The following CDH12 variants were observed in gnomAD, a reference collection of about 807,000 sequenced individuals.
The protein encoded by CDH12 is cadherin-12.
CDH12 carries 41 observed loss-of-function variants against 74.1 expected under a neutral mutation model. The ratio of observed to expected loss-of-function variants is 0.55; its 90% CI spans 0.43 to 0.72. CDH12 has a LOEUF of 0.72. CDH12 is among the 30% of genes least tolerant of loss of function. CDH12 has a pLI of 0.00. For synonymous variants in CDH12, 399 were observed against 355.0 expected, an observed-to-expected ratio of 1.12 and a Z score of -1.39; for missense variants, 945 against 977.2, an observed-to-expected ratio of 0.97 and a Z score of 0.44.
At chr5:22,694,643 A>T (rs895470742) in intron 1 of CDH12, among the ~76,000 whole-genome samples, 4 of 151,978 alleles carry the variant, frequency 2.6e-5, no homozygotes, top group African/African-American at 9.7e-5. Context: ...TTTTAAAGGT[A>T]ATGTTAAACT....
chr5:21,832,769 ATAT>A (rs1360858510), intron 8 of CDH12, among the ~76,000 whole-genome samples: 8 of 126,628 alleles, frequency 6.3e-5, no homozygotes, highest in Admixed American at 9.9e-5. Flanking sequence ...TATATGATAT[ATAT>A]TATATTAATA....
intron 1 of CDH12, among the ~76,000 whole-genome samples, chr5:22,589,470 A>G (rs566787068): frequency 4.0e-4 from 61 of 152,230 alleles, no homozygotes; most frequent in Non-Finnish European, 6.2e-4. Context: ...TCTTGCTTTC[A>G]CTTCACTTTC....
intron 4 of CDH12, among the ~76,000 whole-genome samples, chr5:22,201,836 G>A (rs977367943): frequency 4.6e-5 from 7 of 152,074 alleles, no homozygotes; most frequent in African/African-American, 1.4e-4. Context: ...ATGGTAACGC[G>A]GCCATAAGGC....
chr5:21,892,774 C>T (rs1045564206), intron 6 of CDH12, among the ~76,000 whole-genome samples: 3 of 152,028 alleles, frequency 2.0e-5, no homozygotes, highest in Non-Finnish European at 2.9e-5. Context: ...TGTGATGCTG[C>T]CTGATTTGGT....
At position 21,877,547 on chromosome 5, in the gene CDH12, G is replaced by GATGTT. The variant is rs1052481994; in HGVS notation, c.527-22762_527-22758dup. Among the ~76,000 whole-genome samples, 22 of 152,314 alleles carry GATGTT rather than the reference G, an allele frequency of 1.4e-4. 1 individual carries two copies. The highest frequency in any genetic ancestry group is 1.4e-3 in the Admixed American group (22 of 15,304). On this transcript the variant is annotated intron_variant, in intron 6 of 14. Transcript: ENST00000382254. ...GCTAAGAAAATACTTTTGATCAGCT[G>GATGTT]ATGTTAGAAGTTTTCAATCAAGCCT...
At chr5:22,168,060 C>T (rs2150325399) in intron 4 of CDH12, among the ~76,000 whole-genome samples, 1 of 152,184 alleles carries the variant, frequency 6.6e-6, no homozygotes, top group South Asian at 2.1e-4. Context: ...AGGTGAGAAG[C>T]TGAGGATTGT....
chr5:21,991,501 T>A (rs893957075), intron 5 of CDH12, among the ~76,000 whole-genome samples: 32 of 17,924 alleles, frequency 1.8e-3, no homozygotes, highest in African/African-American at 3.0e-3. Context: ...ATATATACAT[T>A]TATATATATA....
At chr5:22,736,057 T>A (rs1744703683) in intron 1 of CDH12, among the ~76,000 whole-genome samples, 1 of 151,868 alleles carries the variant, frequency 6.6e-6, no homozygotes, top group African/African-American at 2.4e-5. Context: ...TTAAATTACC[T>A]AAAGTATTTA....
intron 3 of CDH12, among the ~76,000 whole-genome samples, chr5:22,243,682 T>A (rs940883065): frequency 6.6e-6 from 1 of 152,174 alleles, no homozygotes; most frequent in South Asian, 2.1e-4. Context: ...TGACAAATGG[T>A]AAAGTGCATG....
intron 1 of CDH12, among the ~76,000 whole-genome samples, chr5:22,684,371 C>A (rs1424517200): frequency 6.6e-6 from 1 of 152,086 alleles, no homozygotes; most frequent in African/African-American, 2.4e-5. Flanking sequence ...AATATAGTCA[C>A]CCCTGGATTT....
chr5:22,606,550 A>G (rs933789376), intron 1 of CDH12, among the ~76,000 whole-genome samples: 1 of 152,080 alleles, frequency 6.6e-6, no homozygotes, highest in Non-Finnish European at 1.5e-5. Flanking sequence ...CCTTCACTCC[A>G]CACTCATTCT....
At chr5:22,605,218 G>T (rs1737042260) in intron 1 of CDH12, among the ~76,000 whole-genome samples, 1 of 152,192 alleles carries the variant, frequency 6.6e-6, no homozygotes, top group East Asian at 1.9e-4. Context: ...GCACTCCGAG[G>T]CGTGGAGCCT....
intron 7 of CDH12, among the ~76,000 whole-genome samples, chr5:21,843,397 C>T (rs1404702535): frequency 6.6e-6 from 1 of 152,124 alleles, no homozygotes; most frequent in African/African-American, 2.4e-5. Context: ...CTCTACTTAA[C>T]AAACACTGAT....
At chr5:22,334,937 C>G (rs1439877675) in intron 3 of CDH12, among the ~76,000 whole-genome samples, 2 of 152,006 alleles carry the variant, frequency 1.3e-5, no homozygotes, top group Non-Finnish European at 2.9e-5. Flanking sequence ...TTTGTCTGGA[C>G]AAAAATTTCT....
intron 4 of CDH12, among the ~76,000 whole-genome samples, chr5:22,190,717 G>T (rs1750226919): frequency 6.6e-6 from 1 of 152,100 alleles, no homozygotes; most frequent in African/African-American, 2.4e-5. Flanking sequence ...GACATCTAAA[G>T]CCAACAGTGC....
chr5:22,029,927 G>T (rs1158623939), intron 5 of CDH12, among the ~76,000 whole-genome samples: 2 of 150,752 alleles, frequency 1.3e-5, no homozygotes, highest in African/African-American at 4.9e-5. Flanking sequence ...GGAATACTAT[G>T]CAGCCATAAA....
intron 2 of CDH12, among the ~76,000 whole-genome samples, chr5:22,422,796 C>A (rs527352291): frequency 6.6e-6 from 1 of 152,186 alleles, no homozygotes; most frequent in South Asian, 2.1e-4. Context: ...ATACCTCAGT[C>A]TGAATTGTCA....
chr5:22,459,651 T>A (rs1745421514), intron 2 of CDH12, among the ~76,000 whole-genome samples: 1 of 152,134 alleles, frequency 6.6e-6, no homozygotes, highest in South Asian at 2.1e-4. Flanking sequence ...ATAAAAATAA[T>A]AAGAAAATAA....
intron 1 of CDH12, among the ~76,000 whole-genome samples, chr5:22,669,922 A>G (rs1018927843): frequency 4.5e-4 from 68 of 152,328 alleles, no homozygotes; most frequent in African/African-American, 1.6e-3. Context: ...TAGACTGTAC[A>G]TTATAAATCT....
Sources: gnomAD v4.1 joint callset for allele counts (sites outside exome capture counted in the v4.1 genomes callset) on GRCh38, gnomAD v4.1.1 for gene constraint, MANE v1.5 for transcripts, NCBI Gene and HGNC (gene_info 2026-07-23, HGNC 2026-07-21) for gene names.